Variants in RDH11 observed in about 807,000 individuals in gnomAD.
The protein encoded by RDH11 is retinol dehydrogenase 11, also known as HCV core-binding protein HCBP12.
A neutral mutation model predicts 33.4 loss-of-function variants in RDH11; 19 were observed. That is an observed-to-expected ratio of 0.57 (90% CI 0.40 to 0.83). The LOEUF (loss-of-function observed/expected upper bound fraction) is 0.83, where lower values mean the gene tolerates loss of function less well. RDH11 is among the 40% of genes least tolerant of loss of function. The pLI is 0.00. For synonymous variants in RDH11, 154 were observed against 155.3 expected, an observed-to-expected ratio of 0.99 and a Z score of 0.06; for missense variants, 353 against 389.0, an observed-to-expected ratio of 0.91 and a Z score of 0.78.
rs1454629962 is a variant in RDH11, at chr14:67,690,434, A to G, written c.455-13T>C. On this transcript the variant is annotated splice_polypyrimidine_tract_variant and intron_variant, in intron 4 of 6. Coordinates refer to ENST00000381346, the MANE Select transcript of RDH11 (RefSeq NM_016026.4). ...AGGAGGAAGTGACCTGTTGAGAAAT[A>G]CTAGAATTAATGAAGTTCAGGGCCA... 1.2e-6 allele frequency: 2 copies of G among 1,611,654 alleles called. No individual in the cohort carries two copies. The highest frequency in any genetic ancestry group is 1.1e-5 in the South Asian group (1 of 91,018).
Position 67,692,564 on chromosome 14 carries a change from C to T in RDH11, c.223G>A (p.Val75Met). The T allele has an allele frequency of 1.2e-6, 2 of 1,604,422 alleles. No homozygotes were observed. Among genetic ancestry groups the T allele is most frequent in the Non-Finnish European group, 8.5e-7 (1 of 1,175,964 alleles). ...GARVYLACRD[V>M]EKGELVAKEI... is the part of the protein sequence containing the mutation. ...TTGGCCACCAATTCCCCCTTTTCCA[C>T]ATCCCGGCAAGCTAAATATACTCGA... is the stretch of plus-strand genomic sequence containing the variant. The change falls in exon 3 of 7, where the codon GTG becomes ATG. Residue 75 changes from valine to methionine, a missense_variant. By Grantham distance (21) the Val-to-Met change is conservative. Transcript: ENST00000381346.
intron 5 of RDH11, among the ~76,000 whole-genome samples, chr14:67,685,450 GC>G (rs2037666339): frequency 6.6e-6 from 1 of 152,136 alleles, no homozygotes; most frequent in African/African-American, 2.4e-5. Flanking sequence ...AATCAGCAGA[GC>G]CAAGACTCAT....
intron 1 of RDH11, among the ~76,000 whole-genome samples, chr14:67,694,387 G>A (rs1390220652): frequency 1.3e-5 from 2 of 151,004 alleles, no homozygotes; most frequent in African/African-American, 4.9e-5. Context: ...TCCAGCTCTG[G>A]CCCGACTCCC....
At chr14:67,683,058 T>C (rs537396654) in intron 6 of RDH11, among the ~76,000 whole-genome samples, 106 of 152,310 alleles carry the variant, frequency 7.0e-4, no homozygotes, top group African/African-American at 2.5e-3. Context: ...AGCAGACTAG[T>C]GGTTGCAGGC....
chr14:67,695,344 T>A (rs1247608440), intron 1 of RDH11, among the ~76,000 whole-genome samples: 2 of 152,128 alleles, frequency 1.3e-5, no homozygotes, highest in East Asian at 3.9e-4. Flanking sequence ...AGCCTTACCC[T>A]CGGGATTCCC....
chr14:67,692,213 G>C (rs1256544615), intron 3 of RDH11: 1 of 496,966 alleles, frequency 2.0e-6, no homozygotes, highest in Non-Finnish European at 3.5e-6. Flanking sequence ...TCTGGCTTCA[G>C]CTCTTACTCA....
At chr14:67,683,820 A>G (rs1242315187) in intron 6 of RDH11, among the ~76,000 whole-genome samples, 1 of 152,168 alleles carries the variant, frequency 6.6e-6, no homozygotes, top group East Asian at 1.9e-4. Flanking sequence ...CTCCCTACTA[A>G]TATTTTAATA....
chr14:67,693,908 C>T (rs1161025149), intron 1 of RDH11, among the ~76,000 whole-genome samples: 1 of 152,166 alleles, frequency 6.6e-6, no homozygotes, highest in African/African-American at 2.4e-5. Flanking sequence ...ACCTCAGCCT[C>T]CCAAAGTGCT....
intron 6 of RDH11, among the ~76,000 whole-genome samples, chr14:67,680,460 C>A (rs1464793439): frequency 6.6e-6 from 1 of 152,116 alleles, no homozygotes; most frequent in African/African-American, 2.4e-5. Context: ...AATACTACAG[C>A]AAGAGCTTTC....
intron 6 of RDH11, among the ~76,000 whole-genome samples, chr14:67,679,557 C>T (rs1043900359): frequency 6.6e-6 from 1 of 152,182 alleles, no homozygotes; most frequent in Non-Finnish European, 1.5e-5. Flanking sequence ...GCGCCTGCCA[C>T]CATGACTGGC....
In RDH11 at chr14:67,692,581, T is replaced by C; in HGVS notation, c.206A>G (p.Tyr69Cys). The change falls in exon 3 of 7, where the codon TAT becomes TGT. Residue 69 changes from tyrosine (Y) to cysteine (C), a missense_variant. By Grantham distance (194) the Tyr-to-Cys change is radical (BLOSUM62 -2). Coordinates refer to ENST00000381346, the MANE Select transcript of RDH11 (RefSeq NM_016026.4). ...KELAQRGARVYLACRDVEKGE... is the reference protein window; with the variant it reads ...KELAQRGARVCLACRDVEKGE... ...CTTTTCCACATCCCGGCAAGCTAAA[T>C]ATACTCGAGCTCCTGTCAGCCAACA... is the stretch of plus-strand genomic sequence containing the variant. The C allele has an allele frequency of 6.3e-7, 1 of 1,585,930 alleles. No homozygotes were observed. Among genetic ancestry groups the C allele is most frequent in the Non-Finnish European group, 8.6e-7 (1 of 1,167,856 alleles).
Position 67,690,917 on chromosome 14 carries a change from C to A in RDH11, c.454+223G>T, listed in dbSNP as rs758141605. 1.9e-5 allele frequency: 10 copies of A among 539,502 alleles called. No homozygotes were observed. The East Asian group carries it at 2.5e-4, about 13-fold the overall frequency. The allele number at this position is 539,502 out of a possible 1,614,324, so 33.4% of individuals were successfully genotyped here. A position where few individuals can be genotyped will look rare whatever the true frequency, so the allele number is the denominator to read the frequency against. On this transcript the variant is annotated intron_variant, in intron 4 of 6. Coordinates refer to ENST00000381346, the MANE Select transcript of RDH11 (RefSeq NM_016026.4). ...AAACCAATTAGTCTGTTAAAAAATGCGCCAAGGCAAACCAAATCTAAATCA... is the reference window on the plus strand; with the variant it reads ...AAACCAATTAGTCTGTTAAAAAATGAGCCAAGGCAAACCAAATCTAAATCA...
chr14:67,695,225 T>A (rs987376356), intron 1 of RDH11, among the ~76,000 whole-genome samples: 1 of 152,140 alleles, frequency 6.6e-6, no homozygotes, highest in African/African-American at 2.4e-5. Context: ...GGGCGAAATG[T>A]GGAATCGCTC....
Position 67,679,833 on chromosome 14 carries a change from ATGAT to A in RDH11, c.855-1414_855-1411del, listed in dbSNP as rs145052169. On this transcript the variant is annotated intron_variant, in intron 6 of 6. Coordinates refer to ENST00000381346, the MANE Select transcript of RDH11 (RefSeq NM_016026.4). ...GCATTCAGTCAAAGTTTTAAAAAAA[ATGAT>A]TGAATGTATTACAATCTTTAGTCAT... Among the ~76,000 whole-genome samples the A allele has an allele frequency of 5.8e-3, 884 of 152,364 alleles. 4 individuals are homozygous for A. Among genetic ancestry groups the A allele is most frequent in the Non-Finnish European group, 9.2e-3 (623 of 68,040 alleles).
intron 5 of RDH11, among the ~76,000 whole-genome samples, chr14:67,686,732 A>G (rs1415998207): frequency 6.6e-6 from 1 of 152,150 alleles, no homozygotes; most frequent in Non-Finnish European, 1.5e-5. Flanking sequence ...CTTTATGGAA[A>G]ACGCTGGGGC....
intron 5 of RDH11, 139 bp downstream of exon 5, chr14:67,690,073 C>T (rs2037729511): frequency 1.5e-6 from 1 of 679,976 alleles, no homozygotes; most frequent in African/African-American, 1.8e-5. Context: ...TTGTAGACTA[C>T]TTACTAAAAC....
intron 1 of RDH11, 132 bp from the exon 2 acceptor site, chr14:67,693,184 T>C: frequency 7.1e-6 from 4 of 566,098 alleles, no homozygotes; most frequent in South Asian, 5.8e-5. Context: ...AAGGAAACAG[T>C]GTCCATTTAA....
chr14:67,682,189 G>A (rs1367625804), intron 6 of RDH11, among the ~76,000 whole-genome samples: 2 of 152,162 alleles, frequency 1.3e-5, no homozygotes, highest in African/African-American at 4.8e-5. Flanking sequence ...AAAGACAGTA[G>A]TAAATCTTTG....
Position 67,685,214 on chromosome 14 carries a change from G to C in RDH11, c.665-10C>G, listed in dbSNP as rs747476784. Reference sequence around the variant, plus strand: ...GTCGTAACGCCAGAGCCTGGTTGGGGGTGGCATGAAGAGAGGGTAAGACAG... The same window carrying C: ...GTCGTAACGCCAGAGCCTGGTTGGGCGTGGCATGAAGAGAGGGTAAGACAG... On this transcript the variant is annotated splice_polypyrimidine_tract_variant and intron_variant, in intron 5 of 6. Coordinates refer to ENST00000381346, the MANE Select transcript of RDH11 (RefSeq NM_016026.4). 1 of 1,606,228 alleles carries C rather than the reference G, an allele frequency of 6.2e-7. No homozygotes were observed. Among genetic ancestry groups the C allele is most frequent in the African/African-American group, 1.3e-5 (1 of 74,636 alleles).
Sources: gnomAD v4.1 joint callset for allele counts (sites outside exome capture counted in the v4.1 genomes callset) on GRCh38, gnomAD v4.1.1 for gene constraint, MANE v1.5 for transcripts, NCBI Gene and HGNC (gene_info 2026-07-23, HGNC 2026-07-21) for gene names.